The following LRCH1 variants were observed in gnomAD, a reference collection of about 807,000 sequenced individuals.
LRCH1 encodes the protein leucine-rich repeat and calponin homology domain-containing protein 1.
LRCH1 carries 23 observed loss-of-function variants against 94.9 expected under a neutral mutation model. The observed-to-expected ratio is 0.24, with a 90% confidence interval of 0.17 to 0.34. LRCH1 has a LOEUF of 0.34. Among genes scored for constraint, LRCH1 ranks in the 10% least tolerant of loss-of-function variants. LRCH1 has a pLI of 1.00. For missense variants in LRCH1, 790 were observed against 945.9 expected, an observed-to-expected ratio of 0.84 and a Z score of 2.16; for synonymous variants, 364 against 354.9, an observed-to-expected ratio of 1.03 and a Z score of -0.29.
At chr13:46,602,549 G>A (rs1409651988) in intron 1 of LRCH1, among the ~76,000 whole-genome samples, 1 of 152,190 alleles carries the variant, frequency 6.6e-6, no homozygotes, top group Admixed American at 6.5e-5. Context: ...TCATAGGGAC[G>A]TGGTGAGGCT....
intron 1 of LRCH1, among the ~76,000 whole-genome samples, chr13:46,625,583 T>C (rs1212629384): frequency 1.3e-5 from 2 of 151,476 alleles, no homozygotes; most frequent in Non-Finnish European, 2.9e-5. Flanking sequence ...CCGGACTCCT[T>C]GAGCCTGGAC....
At chr13:46,643,556 C>T (rs1250395452) in intron 1 of LRCH1, among the ~76,000 whole-genome samples, 4 of 152,202 alleles carry the variant, frequency 2.6e-5, no homozygotes, top group African/African-American at 7.2e-5. Flanking sequence ...ATTATCTCTT[C>T]TGGATTATCA....
intron 5 of LRCH1, 73 bp from the exon 6 acceptor site, chr13:46,687,779 G>C: frequency 7.8e-7 from 1 of 1,285,860 alleles, no homozygotes. Flanking sequence ...GAAATATACA[G>C]AGTAAGGATT....
At chr13:46,563,763 C>G (rs1396040999) in intron 1 of LRCH1, among the ~76,000 whole-genome samples, 1 of 152,158 alleles carries the variant, frequency 6.6e-6, no homozygotes, top group Non-Finnish European at 1.5e-5. Context: ...AATGTAGAAA[C>G]CATCCATTCA....
chr13:46,746,656 C>T (rs1173462028), downstream of LRCH1, among the ~76,000 whole-genome samples: 3 of 152,238 alleles, frequency 2.0e-5, no homozygotes, highest in Admixed American at 6.5e-5. Context: ...ACAGCTGTCT[C>T]TGCTGTAAGT....
At chr13:46,614,289 T>C (rs2050781032) in intron 1 of LRCH1, among the ~76,000 whole-genome samples, 1 of 152,220 alleles carries the variant, frequency 6.6e-6, no homozygotes, top group South Asian at 2.1e-4. Context: ...CGATTATGCC[T>C]TTTGAGGCAG....
chr13:46,575,412 C>T (rs9595496), intron 1 of LRCH1, among the ~76,000 whole-genome samples: 4,539 of 152,028 alleles, frequency 0.03, 212 homozygotes, highest in African/African-American at 0.1. Flanking sequence ...TAGAACTGGG[C>T]GTGGGAGGGC....
intron 2 of LRCH1, among the ~76,000 whole-genome samples, chr13:46,659,188 AT>A (rs1240692305): frequency 3.4e-5 from 5 of 149,174 alleles, no homozygotes; most frequent in African/African-American, 1.3e-4. Context: ...TTATTTATTT[AT>A]TTATTTATTT....
chr13:46,640,483 G>T (rs536662586), intron 1 of LRCH1, among the ~76,000 whole-genome samples: 7 of 152,204 alleles, frequency 4.6e-5, no homozygotes, highest in Non-Finnish European at 8.8e-5. Flanking sequence ...GAACCAGCCT[G>T]GGTTTCCAGC....
intron 1 of LRCH1, among the ~76,000 whole-genome samples, chr13:46,642,276 T>C (rs2051167789): frequency 6.6e-6 from 1 of 152,188 alleles, no homozygotes; most frequent in African/African-American, 2.4e-5. Flanking sequence ...GCTATACCCA[T>C]ATGAACAACT....
chr13:46,711,183 A>G (rs9590984), intron 13 of LRCH1, among the ~76,000 whole-genome samples: 3,147 of 152,306 alleles, frequency 0.021, 87 homozygotes, highest in East Asian at 0.086. Flanking sequence ...CGTGGTATTC[A>G]GTGATGCTAC....
chr13:46,553,214 T>A lies in LRCH1; in HGVS notation c.-183T>A, dbSNP rs373598814. 2 of 570,104 alleles carry A rather than the reference T, an allele frequency of 3.5e-6. No homozygotes were observed. The highest frequency in any genetic ancestry group is 6.5e-5 in the East Asian group (2 of 30,904). The allele number at this position is 570,104 out of a possible 1,614,324, so 35.3% of individuals were successfully genotyped here. A position where few individuals can be genotyped will look rare whatever the true frequency, so the allele number is the denominator to read the frequency against. On this transcript the variant is annotated 5_prime_UTR_variant, in exon 1 of 20. Coordinates refer to ENST00000389797, the MANE Select transcript of LRCH1 (RefSeq NM_001164211.2). ...GGACAGGAAACCTTCAAGACCGAGC[T>A]GCCACGGCCGCCTCCCCGCCCGCCC...
intron 19 of LRCH1, among the ~76,000 whole-genome samples, chr13:46,735,047 C>T (rs190097391): frequency 2.0e-5 from 3 of 151,592 alleles, no homozygotes; most frequent in Non-Finnish European, 4.4e-5. Context: ...TGGGGGATAG[C>T]GGTAGACTTC....
intron 1 of LRCH1, among the ~76,000 whole-genome samples, chr13:46,637,958 A>G (rs931725329): frequency 6.6e-6 from 1 of 152,182 alleles, no homozygotes; most frequent in Non-Finnish European, 1.5e-5. Context: ...AGCGTAATTA[A>G]TTGCCCACTT....
chr13:46,734,063 AACC>A, intron 19 of LRCH1, 65 bp downstream of exon 19: 1 of 838,902 alleles, frequency 1.2e-6, no homozygotes, highest in Non-Finnish European at 1.9e-6. Context: ...TATGAGTTTG[AACC>A]ATTGAATCGA....
intron 1 of LRCH1, among the ~76,000 whole-genome samples, chr13:46,579,179 GGA>G (rs1350082083): frequency 6.6e-6 from 1 of 152,154 alleles, no homozygotes; most frequent in African/African-American, 2.4e-5. Context: ...CGTCTAAGCA[GGA>G]GTGCCCTTAT....
At chr13:46,559,977 G>A (rs1289864419) in intron 1 of LRCH1, among the ~76,000 whole-genome samples, 2 of 152,058 alleles carry the variant, frequency 1.3e-5, no homozygotes, top group African/African-American at 4.8e-5. Context: ...GATACCTTTT[G>A]AAATCCATGT....
intron 1 of LRCH1, among the ~76,000 whole-genome samples, chr13:46,639,524 A>G (rs1194731912): frequency 1.3e-5 from 2 of 152,168 alleles, no homozygotes; most frequent in Non-Finnish European, 2.9e-5. Context: ...TTACACTTCA[A>G]ATAATCATGT....
At chr13:46,702,508 AT>A (rs1173182316) in intron 11 of LRCH1, among the ~76,000 whole-genome samples, 1 of 152,182 alleles carries the variant, frequency 6.6e-6, no homozygotes, top group Non-Finnish European at 1.5e-5. Context: ...TCTCAAAAAA[AT>A]AATAATAAAA....
Sources: allele counts gnomAD v4.1 joint callset (sites outside exome capture counted in the v4.1 genomes callset), GRCh38; gene constraint gnomAD v4.1.1; transcripts MANE v1.5; gene names NCBI Gene and HGNC (gene_info 2026-07-23, HGNC 2026-07-21).